EXOC6B: variants seen among roughly 807,000 people sequenced by gnomAD.
EXOC6B encodes the protein SEC15 homolog B.
In EXOC6B, 54 loss-of-function variants were observed where a neutral mutation model predicts 113.5. The observed-to-expected ratio is 0.48, with a 90% CI of 0.38 to 0.60. EXOC6B has a LOEUF of 0.60. Among genes scored for constraint, EXOC6B ranks in the 20% least tolerant of loss-of-function variants. EXOC6B has a pLI of 0.00. For synonymous variants in EXOC6B, 357 were observed against 339.0 expected (o/e 1.05, Z -0.58); for missense variants, 797 against 977.5 (o/e 0.82, Z 2.46).
intron 20 of EXOC6B, among the ~76,000 whole-genome samples, chr2:72,284,188 A>G (rs1173055038): frequency 6.6e-6 from 1 of 152,134 alleles, no homozygotes; most frequent in Admixed American, 6.6e-5. Flanking sequence ...AAAACTACAT[A>G]TCAATATCAC....
At chr2:72,287,538 A>T (rs183946126) in intron 20 of EXOC6B, among the ~76,000 whole-genome samples, 234 of 152,036 alleles carry the variant, frequency 1.5e-3, no homozygotes, top group African/African-American at 4.9e-3. Flanking sequence ...ACTTGTAAAA[A>T]TGATAAACCT....
intron 20 of EXOC6B, among the ~76,000 whole-genome samples, chr2:72,265,500 AGT>A (rs984353757): frequency 2.0e-5 from 3 of 149,058 alleles, no homozygotes; most frequent in African/African-American, 7.4e-5. Flanking sequence ...GAGAACATGC[AGT>A]GTTTGGTTTT....
chr2:72,726,822 C>T (rs966307807), intron 5 of EXOC6B, among the ~76,000 whole-genome samples: 1 of 152,094 alleles, frequency 6.6e-6, no homozygotes, highest in African/African-American at 2.4e-5. Flanking sequence ...ATACAGTCAG[C>T]CCTTCATATT....
intron 18 of EXOC6B, among the ~76,000 whole-genome samples, chr2:72,450,052 C>G (rs554874094): frequency 6.6e-6 from 1 of 152,270 alleles, no homozygotes; most frequent in East Asian, 1.9e-4. Flanking sequence ...GGGTCAGGAA[C>G]AACATTTATG....
At chr2:72,643,797 T>TA (rs1047858053) in intron 6 of EXOC6B, among the ~76,000 whole-genome samples, 2 of 143,830 alleles carry the variant, frequency 1.4e-5, no homozygotes, top group Non-Finnish European at 3.1e-5. Context: ...AAAGAAGCAA[T>TA]AAAAAAAATT....
rs562281643 is a variant in EXOC6B at position 72,811,136 on chromosome 2, C to G, written c.113+14662G>C. Among the ~76,000 whole-genome samples the G allele has an allele frequency of 3.9e-5, 6 of 151,900 alleles. No individual in the cohort carries two copies. The East Asian group carries it at 1.2e-3, about 29-fold the overall frequency. On this transcript the variant is annotated intron_variant, in intron 1 of 21. Transcript: ENST00000272427. ...TCACTTGATGCCAGGAGTTCAAGAC[C>G]AGCCCGTCTCTACTAAAAATTCAAA...
chr2:72,428,197 C>T (rs1695314847), intron 18 of EXOC6B, among the ~76,000 whole-genome samples: 1 of 152,174 alleles, frequency 6.6e-6, no homozygotes, highest in Non-Finnish European at 1.5e-5. Flanking sequence ...CACCAAATGG[C>T]ATGGCTAAAA....
chr2:72,796,945 C>T (rs1274006586), intron 1 of EXOC6B, among the ~76,000 whole-genome samples: 3 of 152,212 alleles, frequency 2.0e-5, no homozygotes, highest in Non-Finnish European at 4.4e-5. Flanking sequence ...ACAAAGTAAA[C>T]TTCCCAAAAA....
At chr2:72,187,944 G>T (rs1678550386) in intron 20 of EXOC6B, among the ~76,000 whole-genome samples, 1 of 152,220 alleles carries the variant, frequency 6.6e-6, no homozygotes. Flanking sequence ...CCATGTAGTG[G>T]GAGCAGGCAC....
At chr2:72,351,470 T>C (rs1179588938) in intron 19 of EXOC6B, among the ~76,000 whole-genome samples, 2 of 152,196 alleles carry the variant, frequency 1.3e-5, no homozygotes, top group Admixed American at 1.3e-4. Flanking sequence ...TATCTTCCAT[T>C]CATTCCTCAA....
At chr2:72,374,470 C>G (rs11684981) in intron 19 of EXOC6B, among the ~76,000 whole-genome samples, 30,355 of 151,890 alleles carry the variant, frequency 0.2, 5,615 homozygotes, top group African/African-American at 0.49. Context: ...CATGTTCTCA[C>G]TTATATGTAG....
intron 11 of EXOC6B, among the ~76,000 whole-genome samples, chr2:72,506,647 T>C (rs1700612340): frequency 6.6e-6 from 1 of 152,208 alleles, no homozygotes; most frequent in Non-Finnish European, 1.5e-5. Flanking sequence ...TTGGTATTAA[T>C]AACCTAGTCT....
chr2:72,261,778 C>T (rs1249998939), intron 20 of EXOC6B, among the ~76,000 whole-genome samples: 1 of 152,164 alleles, frequency 6.6e-6, no homozygotes, highest in Non-Finnish European at 1.5e-5. Flanking sequence ...TTTCTTTAGG[C>T]TAAAATATCC....
chr2:72,626,097 C>T (rs1160446524), intron 6 of EXOC6B, among the ~76,000 whole-genome samples: 1 of 152,026 alleles, frequency 6.6e-6, no homozygotes, highest in African/African-American at 2.4e-5. Flanking sequence ...TCCCAGAAAC[C>T]TCACCAAACC....
At chr2:72,249,536 G>A (rs963139108) in intron 20 of EXOC6B, among the ~76,000 whole-genome samples, 3 of 151,546 alleles carry the variant, frequency 2.0e-5, no homozygotes, top group South Asian at 2.1e-4. Context: ...TCTTGGCACT[G>A]AATTCTAGGA....
At chr2:72,666,141 T>A (rs1311437653) in intron 6 of EXOC6B, among the ~76,000 whole-genome samples, 1 of 152,112 alleles carries the variant, frequency 6.6e-6, no homozygotes, top group Admixed American at 6.5e-5. Flanking sequence ...GACTTAACTA[T>A]CCTAAATATA....
chr2:72,651,404 T>G (rs374508033), intron 6 of EXOC6B, among the ~76,000 whole-genome samples: 1 of 152,148 alleles, frequency 6.6e-6, no homozygotes, highest in Non-Finnish European at 1.5e-5. Context: ...CAGAACTGAA[T>G]TGATATTAAT....
intron 6 of EXOC6B, among the ~76,000 whole-genome samples, chr2:72,712,257 T>C (rs1357930359): frequency 6.6e-6 from 1 of 152,188 alleles, no homozygotes; most frequent in Non-Finnish European, 1.5e-5. Flanking sequence ...TAATAGAGTG[T>C]ATTAGTTTTC....
At chr2:72,334,754 C>T (rs1313568764) in intron 20 of EXOC6B, among the ~76,000 whole-genome samples, 193 bp downstream of exon 20, 1 of 148,584 alleles carries the variant, frequency 6.7e-6, no homozygotes, top group Non-Finnish European at 1.5e-5. Flanking sequence ...CCCACAAAAC[C>T]TTTAACTCCA....
Sources: allele counts gnomAD v4.1 joint callset (sites outside exome capture counted in the v4.1 genomes callset), GRCh38; gene constraint gnomAD v4.1.1; transcripts MANE v1.5; gene names NCBI Gene and HGNC (gene_info 2026-07-23, HGNC 2026-07-21).